The following GSDMD variants were observed in gnomAD, a reference collection of about 807,000 sequenced individuals.
The protein encoded by GSDMD is gasdermin-D.
In GSDMD, 46 loss-of-function variants were observed where a neutral mutation model predicts 46.7. The ratio of observed to expected loss-of-function variants is 0.99; its 90% confidence interval spans 0.78 to 1.26. The LOEUF is 1.26. Ranked by LOEUF, GSDMD falls within the 50% of genes most tolerant of loss-of-function variation. The pLI, the probability that GSDMD is intolerant of heterozygous loss-of-function variation, is 0.00. For missense variants in GSDMD, 649 were observed against 638.8 expected (o/e 1.02, Z -0.17); for synonymous variants, 307 against 283.1 (o/e 1.08, Z -0.85).
upstream of GSDMD, among the ~76,000 whole-genome samples, chr8:143,556,369 ACT>A (rs1434080953): frequency 6.6e-6 from 1 of 152,132 alleles, no homozygotes; most frequent in African/African-American, 2.4e-5. Flanking sequence ...ACAGAGCAAG[ACT>A]CAGTCTCAAA....
upstream of GSDMD, chr8:143,558,286 C>T: frequency 1.4e-6 from 2 of 1,385,552 alleles, no homozygotes; most frequent in Admixed American, 2.6e-5. Context: ...GGAAGGGGGC[C>T]GGGGCGGGCT....
intron 1 of GSDMD, 55 bp from the exon 2 acceptor site, chr8:143,559,277 C>CACA: frequency 1.6e-6 from 1 of 606,970 alleles, no homozygotes; most frequent in Non-Finnish European, 3.1e-6. Flanking sequence ...ACCCTTCTCC[C>CACA]ACTCCCTCCC....
intron 9 of GSDMD, 28 bp downstream of exon 9, chr8:143,562,378 G>A (rs1823486085): frequency 3.9e-6 from 6 of 1,544,824 alleles, no homozygotes; most frequent in Admixed American, 1.9e-5. Context: ...GCAGGTGGCG[G>A]GTGGGAGGGA....
intron 10 of GSDMD, 53 bp downstream of exon 10, chr8:143,562,574 GC>G: frequency 6.3e-7 from 1 of 1,597,600 alleles, no homozygotes; most frequent in South Asian, 1.1e-5. Context: ...AGTGGAAGGG[GC>G]CCTGTGGCAC....
rs868696834 is a variant in GSDMD, at chr8:143,562,049, A to T, written c.914A>T (p.Asp305Val). The stretch of plus-strand genomic sequence containing the variant: ...ATCTCCAAGGAACTGGAGCTTTTGG[A>T]CAGAGAGCTGTGCCAGCTGCTGCTG... ...ETISKELELLDRELCQLLLEG... is the reference protein window; with the variant it reads ...ETISKELELLVRELCQLLLEG... Residue 305 changes from aspartate (D) to valine (V), a missense_variant, in exon 8 of 11, where the codon GAC becomes GTC. Transcript: ENST00000262580. The T allele has an allele frequency of 5.0e-6, 8 of 1,598,410 alleles. No individual in the cohort carries two copies. The Middle Eastern group carries it at 1.3e-3, about 266-fold the overall frequency.
chr8:143,554,616 C>T (rs1823268352), upstream of GSDMD, among the ~76,000 whole-genome samples: 1 of 149,204 alleles, frequency 6.7e-6, no homozygotes, highest in African/African-American at 2.5e-5. Flanking sequence ...GCACACAACA[C>T]TCAGGTGCAT....
At chr8:143,560,398 C>T (rs969086141) in intron 3 of GSDMD, 14 of 634,676 alleles carry the variant, frequency 2.2e-5, no homozygotes, top group Admixed American at 1.6e-4. Flanking sequence ...CACCTCGAGT[C>T]TGGACTTGGA....
intron 4 of GSDMD, 106 bp downstream of exon 4, chr8:143,560,877 C>A: frequency 7.0e-7 from 1 of 1,432,674 alleles, no homozygotes; most frequent in South Asian, 1.3e-5. Flanking sequence ...GAGCAGCTCC[C>A]AGCCCTGCGC....
intron 1 of GSDMD, 44 bp from the exon 2 acceptor site, chr8:143,559,288 G>T: frequency 3.5e-6 from 1 of 287,138 alleles, no homozygotes; most frequent in South Asian, 3.0e-5. Flanking sequence ...ACTCCCTCCC[G>T]CCCGCCCCGA....
chr8:143,559,280 T>TTGCG, intron 1 of GSDMD, 52 bp from the exon 2 acceptor site: 1 of 579,430 alleles, frequency 1.7e-6, no homozygotes, highest in Non-Finnish European at 3.2e-6. Flanking sequence ...CTTCTCCCAC[T>TTGCG]CCCTCCCGCC....
intron 1 of GSDMD, chr8:143,558,995 C>G: frequency 2.5e-6 from 1 of 402,212 alleles, no homozygotes. Context: ...CCCTGCACCA[C>G]GCTCAGGAGG....
rs947601161 is a variant in GSDMD at position 143,562,492 on chromosome 8, T to A, written c.1183T>A (p.Ser395Thr). Reference sequence around the variant, plus strand: ...CAAGCTGCTGGCGGAGGCGCTGGAGTCGCAGACCCTGTTGGGGCCGCTCGA... The same window carrying A: ...CAAGCTGCTGGCGGAGGCGCTGGAGACGCAGACCCTGTTGGGGCCGCTCGA... Reference protein sequence around the residue: ...QHKLLAEALESQTLLGPLELV... With the variant: ...QHKLLAEALETQTLLGPLELV... Residue 395 changes from serine (S) to threonine (T), a missense_variant, in exon 10 of 11, where the codon TCG becomes ACG. By Grantham distance (58) the Ser-to-Thr change is moderately conservative. Coordinates refer to ENST00000262580, the MANE Select transcript of GSDMD (RefSeq NM_024736.7). 6.2e-7 allele frequency: 1 copy of A among 1,606,764 alleles called. No homozygotes were observed. Among genetic ancestry groups the A allele is most frequent in the Admixed American group, 1.7e-5 (1 of 59,776 alleles).
chr8:143,557,799 G>T (rs1823344271), upstream of GSDMD: 3 of 330,838 alleles, frequency 9.1e-6, no homozygotes, highest in African/African-American at 2.2e-5. Flanking sequence ...GACTAAGGGT[G>T]TTGAGCATCT....
chr8:143,562,900 A>C lies in GSDMD; in HGVS notation c.1451A>C (p.His484Pro). Residue 484 changes from histidine to proline, a missense_variant, in exon 11 of 11, where the codon CAC becomes CCC. His to Pro is a moderately conservative substitution (Grantham distance 77). Transcript: ENST00000262580. ...CTATCAGGACTGAGCCAGGAGCCCC[A>C]CTAGCCTGTGCCCGGGCATGGCCTG... ...ALLSGLSQEP[H>P] The C allele has an allele frequency of 6.2e-7, 1 of 1,611,974 alleles. No individual in the cohort carries two copies. Among genetic ancestry groups the C allele is most frequent in the Non-Finnish European group, 8.5e-7 (1 of 1,179,944 alleles).
Position 143,562,812 on chromosome 8 carries a change from C to A in GSDMD, c.1363C>A (p.His455Asn). The change falls in exon 11 of 11, where the codon CAC becomes AAC. Residue 455 changes from histidine to asparagine, a missense_variant. By Grantham distance (68) the His-to-Asn change is moderately conservative. Coordinates refer to ENST00000262580, the MANE Select transcript of GSDMD (RefSeq NM_024736.7). ...CGLELGEDTP[H>N]VCWEPQAQGR... ...CCTAGAGCTGGGGGAGGACACTCCCCACGTGTGCTGGGAGCCGCAGGCCCA... is the reference window on the plus strand; with the variant it reads ...CCTAGAGCTGGGGGAGGACACTCCCAACGTGTGCTGGGAGCCGCAGGCCCA... The A allele has an allele frequency of 4.4e-6, 7 of 1,606,412 alleles. No homozygotes were observed. The highest frequency in any genetic ancestry group is 1.3e-5 in the African/African-American group (1 of 74,848).
chr8:143,559,378 G>C lies in GSDMD; in HGVS notation c.43G>C (p.Glu15Gln). 1 of 1,612,796 alleles carries C rather than the reference G, an allele frequency of 6.2e-7. No homozygotes were observed. The highest frequency in any genetic ancestry group is 8.5e-7 in the Non-Finnish European group (1 of 1,179,916). Residue 15 changes from glutamate (E) to glutamine (Q), a missense_variant, in exon 2 of 11, where the codon GAG (glutamate) becomes CAG (glutamine). Coordinates refer to ENST00000262580, the MANE Select transcript of GSDMD (RefSeq NM_024736.7). ...FERVVRRVVQELDHGGEFIPV... is the reference protein window; with the variant it reads ...FERVVRRVVQQLDHGGEFIPV... The stretch of plus-strand genomic sequence containing the variant: ...GCGGGTAGTCCGGAGAGTGGTCCAG[G>C]AGCTGGACCATGGTGGGGAGTTCAT...
upstream of GSDMD, among the ~76,000 whole-genome samples, chr8:143,557,375 ATGGCGAAGGATGATGCCGCTG>A (rs1823325274): frequency 5.6e-5 from 4 of 71,546 alleles, no homozygotes; most frequent in Non-Finnish European, 3.0e-5. Context: ...TGCTGCCGCT[ATGGCGAAGGATGATGCCGCTG>A]TGACGACAGC....
chr8:143,559,280 T>TAACACC, intron 1 of GSDMD, 52 bp from the exon 2 acceptor site: 1 of 579,430 alleles, frequency 1.7e-6, no homozygotes, highest in Non-Finnish European at 3.2e-6. Flanking sequence ...CTTCTCCCAC[T>TAACACC]CCCTCCCGCC....
upstream of GSDMD, among the ~76,000 whole-genome samples, chr8:143,557,367 C>A (rs77168906): frequency 0.12 from 15,787 of 129,394 alleles, 1,873 homozygotes; most frequent in Non-Finnish European, 0.18. Context: ...GCGAAGGATG[C>A]TGCCGCTATG....
Sources: allele counts gnomAD v4.1 joint callset (sites outside exome capture counted in the v4.1 genomes callset), GRCh38; gene constraint gnomAD v4.1.1; transcripts MANE v1.5; gene names NCBI Gene and HGNC (gene_info 2026-07-23, HGNC 2026-07-21).